The following ROBO2 variants were observed in gnomAD, a reference collection of about 807,000 sequenced individuals.
ROBO2 encodes the protein roundabout guidance receptor 2, also known as roundabout homolog 2.
ROBO2 carries 53 observed loss-of-function variants against 160.8 expected under a neutral mutation model. The ratio of observed to expected loss-of-function variants is 0.33; its 90% CI spans 0.26 to 0.41. The LOEUF is 0.41. Among genes scored for constraint, ROBO2 ranks in the 10% least tolerant of loss-of-function variants. The pLI is 1.00. For synonymous variants in ROBO2, 664 were observed against 611.7 expected (o/e 1.09, Z -1.26); for missense variants, 1,577 against 1,722.4 (o/e 0.92, Z 1.49).
chr3:77,362,840 C>T (rs981391120), intron 2 of ROBO2, among the ~76,000 whole-genome samples: 8 of 152,140 alleles, frequency 5.3e-5, no homozygotes, highest in East Asian at 1.9e-4. Context: ...GCAGGCAAGG[C>T]GGTGCGTTGA....
At position 76,298,205 on chromosome 3, in the gene ROBO2, T is replaced by C. The variant is rs137982163; in HGVS notation, c.109+360603T>C. Among the ~76,000 whole-genome samples the C allele has an allele frequency of 3.4e-3, 514 of 152,298 alleles. 6 individuals carry two copies. The highest frequency in any genetic ancestry group is 0.024 in the Admixed American group (373 of 15,284). On this transcript the variant is annotated intron_variant, in intron 2 of 26. Transcript: ENST00000487694. ...GTAGTGACTATTCTGTGCAAATACATGTTCCAGGTTCTGTAGAAGGTAGAA... is the reference window on the plus strand; with the variant it reads ...GTAGTGACTATTCTGTGCAAATACACGTTCCAGGTTCTGTAGAAGGTAGAA...
chr3:75,953,049 A>C (rs1948605985), intron 2 of ROBO2, among the ~76,000 whole-genome samples: 1 of 151,906 alleles, frequency 6.6e-6, no homozygotes, highest in Non-Finnish European at 1.5e-5. Context: ...GATTTTAGTG[A>C]TCATGAATAA....
intron 1 of ROBO2, among the ~76,000 whole-genome samples, chr3:77,043,901 T>G (rs1005716955): frequency 3.9e-5 from 6 of 152,288 alleles, no homozygotes; most frequent in Non-Finnish European, 7.4e-5. Flanking sequence ...ATAGTAAAGA[T>G]AATGTATGTG....
intron 2 of ROBO2, among the ~76,000 whole-genome samples, chr3:76,589,122 G>C (rs1182519919): frequency 6.6e-6 from 1 of 152,108 alleles, no homozygotes; most frequent in African/African-American, 2.4e-5. Flanking sequence ...CAACACAAAA[G>C]AAAGGAAACT....
intron 2 of ROBO2, among the ~76,000 whole-genome samples, chr3:76,536,050 T>C (rs1379097936): frequency 6.6e-6 from 1 of 152,064 alleles, no homozygotes; most frequent in South Asian, 2.1e-4. Context: ...GGACATGGCT[T>C]AGGAGGAATC....
At chr3:76,393,524 C>T (rs1302693504) in intron 2 of ROBO2, among the ~76,000 whole-genome samples, 1 of 152,066 alleles carries the variant, frequency 6.6e-6, no homozygotes, top group African/African-American at 2.4e-5. Context: ...TTTTTATAAA[C>T]TTTGACCTAC....
chr3:76,850,561 C>A (rs1207940774), intron 2 of ROBO2, among the ~76,000 whole-genome samples: 2 of 152,062 alleles, frequency 1.3e-5, no homozygotes, highest in African/African-American at 4.8e-5. Flanking sequence ...AAGTATTTTC[C>A]TCATGGGAAT....
intron 2 of ROBO2, among the ~76,000 whole-genome samples, chr3:76,603,882 A>G (rs986686239): frequency 4.6e-5 from 7 of 152,164 alleles, no homozygotes; most frequent in African/African-American, 1.7e-4. Flanking sequence ...AAATATACAT[A>G]TATATTAAAG....
At chr3:75,937,313 C>A (rs535256082) in intron 1 of ROBO2, among the ~76,000 whole-genome samples, 61 of 152,192 alleles carry the variant, frequency 4.0e-4, no homozygotes, top group Middle Eastern at 6.8e-3. Flanking sequence ...TCATATTAAT[C>A]ATCAATATGA....
intron 2 of ROBO2, among the ~76,000 whole-genome samples, chr3:77,152,710 A>G (rs1296719134): frequency 6.6e-6 from 1 of 152,242 alleles, no homozygotes; most frequent in Non-Finnish European, 1.5e-5. Context: ...TCCCAAATGT[A>G]TAGAACATTG....
chr3:76,861,062 C>G (rs2070726977), intron 2 of ROBO2, among the ~76,000 whole-genome samples: 2 of 152,136 alleles, frequency 1.3e-5, no homozygotes, highest in Non-Finnish European at 2.9e-5. Context: ...CCATCAAGCC[C>G]TCTTCCCTCT....
At position 77,092,597 on chromosome 3, in the gene ROBO2, T is replaced by C. The variant is rs560162760; in HGVS notation, c.62-5417T>C. Among the ~76,000 whole-genome samples, 428 of 76,106 alleles carry C rather than the reference T, an allele frequency of 5.6e-3. 2 individuals carry two copies. The highest frequency in any genetic ancestry group is 0.022 in the African/African-American group (399 of 18,210). 49.9% of individuals were successfully genotyped at this position (76,106 alleles called of 152,430 possible). On this transcript the variant is annotated intron_variant, in intron 1 of 25. Coordinates refer to ENST00000461745, the Ensembl canonical transcript of ROBO2. The stretch of plus-strand genomic sequence containing the variant: ...TATATATTATTTTAATTAAATAATA[T>C]ATATTTTAATATATATTATTATATA...
intron 2 of ROBO2, among the ~76,000 whole-genome samples, chr3:76,107,737 A>G: frequency 6.6e-6 from 1 of 152,078 alleles, no homozygotes; most frequent in East Asian, 1.9e-4. Context: ...TCACATCTGA[A>G]ATCCCTATTT....
intron 2 of ROBO2, among the ~76,000 whole-genome samples, chr3:76,706,000 A>G (rs1463684832): frequency 6.6e-6 from 1 of 152,130 alleles, no homozygotes; most frequent in Admixed American, 6.6e-5. Flanking sequence ...TTTCATTAAC[A>G]TATTTCCTTA....
chr3:76,149,305 C>A (rs2072050879), intron 2 of ROBO2, among the ~76,000 whole-genome samples: 1 of 152,034 alleles, frequency 6.6e-6, no homozygotes, highest in Non-Finnish European at 1.5e-5. Flanking sequence ...CCTACTTAAG[C>A]CCCAAACTTA....
intron 13 of ROBO2, among the ~76,000 whole-genome samples, chr3:77,569,447 C>T (rs1418296328): frequency 1.3e-5 from 2 of 151,784 alleles, no homozygotes; most frequent in African/African-American, 2.4e-5. Flanking sequence ...CTTCTCATGT[C>T]CTAATTGAAC....
intron 2 of ROBO2, among the ~76,000 whole-genome samples, chr3:76,965,783 G>GTATATATA (rs1392105349): frequency 4.4e-5 from 3 of 68,018 alleles, no homozygotes; most frequent in African/African-American, 2.9e-4. Context: ...TATTGTGTTT[G>GTATATATA]TGTATATATA....
intron 6 of ROBO2, among the ~76,000 whole-genome samples, chr3:77,541,486 G>A (rs1330455700): frequency 6.6e-6 from 1 of 152,172 alleles, no homozygotes; most frequent in East Asian, 1.9e-4. Flanking sequence ...CTAATTTACT[G>A]TGCATTGTAT....
At chr3:77,072,511 C>G (rs966315475) in intron 1 of ROBO2, among the ~76,000 whole-genome samples, 1 of 152,104 alleles carries the variant, frequency 6.6e-6, no homozygotes, top group Non-Finnish European at 1.5e-5. Context: ...GGACACTATG[C>G]CAGGAATGTT....
Sources: gnomAD v4.1 joint callset for allele counts (sites outside exome capture counted in the v4.1 genomes callset) on GRCh38, gnomAD v4.1.1 for gene constraint, MANE v1.5 for transcripts, NCBI Gene and HGNC (gene_info 2026-07-23, HGNC 2026-07-21) for gene names.